PTPRN2: variants seen among roughly 807,000 people sequenced by gnomAD.
PTPRN2 encodes protein tyrosine phosphatase receptor type N2, also known as receptor-type tyrosine-protein phosphatase N2.
Under a neutral mutation model 118.8 loss-of-function variants are expected in PTPRN2, and 74 were observed. The observed-to-expected ratio is 0.62, with a 90% CI of 0.52 to 0.76. The LOEUF (loss-of-function observed/expected upper bound fraction) is 0.76, where lower values mean the gene tolerates loss of function less well. PTPRN2 is among the 30% of genes least tolerant of loss of function. The pLI, the probability that PTPRN2 is intolerant of heterozygous loss-of-function variation, is 0.00. For synonymous variants in PTPRN2, 641 were observed against 608.0 expected (o/e 1.05, Z -0.80); for missense variants, 1,481 against 1,394.4 (o/e 1.06, Z -0.99).
intron 6 of PTPRN2, among the ~76,000 whole-genome samples, chr7:158,150,783 C>A (rs564833993): frequency 6.6e-6 from 1 of 151,912 alleles, no homozygotes; most frequent in Non-Finnish European, 1.5e-5. Flanking sequence ...AGCACCGCGA[C>A]CCAGCACTCC....
chr7:157,778,604 T>C (rs1803483849), intron 12 of PTPRN2, among the ~76,000 whole-genome samples: 1 of 151,858 alleles, frequency 6.6e-6, no homozygotes, highest in Admixed American at 6.6e-5. Context: ...AACATGTACA[T>C]GTGAATACAG....
chr7:157,733,252 C>T (rs865920958), intron 12 of PTPRN2, among the ~76,000 whole-genome samples: 6 of 21,034 alleles, frequency 2.9e-4, no homozygotes, highest in Admixed American at 8.0e-4. Context: ...TTCCGTCCCA[C>T]GCGCCCAGCA....
chr7:157,899,161 G>A (rs1036013535), intron 11 of PTPRN2, among the ~76,000 whole-genome samples: 1 of 152,234 alleles, frequency 6.6e-6, no homozygotes, highest in Admixed American at 6.5e-5. Context: ...AGAAGGCAAA[G>A]CTGAATGTGT....
intron 3 of PTPRN2, among the ~76,000 whole-genome samples, chr7:158,249,879 AGT>A (rs370894459): frequency 4.9e-4 from 75 of 152,238 alleles, no homozygotes; most frequent in African/African-American, 1.8e-3. Context: ...TCCCTCCCCC[AGT>A]GTGTGTGCAC....
intron 3 of PTPRN2, among the ~76,000 whole-genome samples, chr7:158,301,966 T>C (rs528372505): frequency 1.3e-5 from 2 of 152,272 alleles, no homozygotes; most frequent in South Asian, 4.2e-4. Flanking sequence ...AGCAATCCCC[T>C]GTCCCATGAG....
At chr7:158,256,830 A>C (rs1208216106) in intron 3 of PTPRN2, among the ~76,000 whole-genome samples, 2 of 152,206 alleles carry the variant, frequency 1.3e-5, no homozygotes, top group Admixed American at 1.3e-4. Context: ...TTTCCCAAAA[A>C]ATATAGTCTC....
At chr7:157,989,372 T>C (rs1218523623) in intron 11 of PTPRN2, among the ~76,000 whole-genome samples, 2 of 151,912 alleles carry the variant, frequency 1.3e-5, no homozygotes, top group East Asian at 3.9e-4. Flanking sequence ...TGAGCCGAGA[T>C]TGCACTACTG....
At chr7:157,668,679 G>A (rs1178424227) in intron 13 of PTPRN2, among the ~76,000 whole-genome samples, 4 of 152,174 alleles carry the variant, frequency 2.6e-5, no homozygotes, top group African/African-American at 4.8e-5. Context: ...CAGAAGCCGC[G>A]GGGCCCGGTG....
chr7:158,041,936 T>G (rs1307015669), intron 11 of PTPRN2, among the ~76,000 whole-genome samples: 1 of 152,196 alleles, frequency 6.6e-6, no homozygotes, highest in Non-Finnish European at 1.5e-5. Context: ...TTACTATCCT[T>G]GTATCTTGCA....
intron 2 of PTPRN2, among the ~76,000 whole-genome samples, chr7:158,440,899 G>A (rs1816992041): frequency 1.3e-5 from 2 of 148,826 alleles, no homozygotes; most frequent in East Asian, 2.0e-4. Context: ...GGTGGTGGTG[G>A]TGACGGTGAT....
intron 12 of PTPRN2, among the ~76,000 whole-genome samples, chr7:157,837,672 C>T (rs1808068706): frequency 6.6e-6 from 1 of 152,188 alleles, no homozygotes; most frequent in African/African-American, 2.4e-5. Flanking sequence ...CCAGCCCCCG[C>T]AGGGCAGGGC....
At chr7:157,567,924 C>A (rs529217334) in intron 21 of PTPRN2, among the ~76,000 whole-genome samples, 1 of 152,282 alleles carries the variant, frequency 6.6e-6, no homozygotes, top group South Asian at 2.1e-4. Context: ...TCTCCATGCA[C>A]ACCTGCCCTG....
intron 1 of PTPRN2, among the ~76,000 whole-genome samples, chr7:158,527,539 G>T (rs529771467): frequency 6.6e-6 from 1 of 151,860 alleles, no homozygotes; most frequent in East Asian, 1.9e-4. Flanking sequence ...AGAATACCGT[G>T]GAGTTGGGAT....
At chr7:157,634,246 G>T (rs1804156494) in intron 14 of PTPRN2, among the ~76,000 whole-genome samples, 1 of 152,158 alleles carries the variant, frequency 6.6e-6, no homozygotes, top group Admixed American at 6.5e-5. Flanking sequence ...GATCTGAGAA[G>T]CAAGGTCATA....
intron 12 of PTPRN2, among the ~76,000 whole-genome samples, chr7:157,849,946 G>C (rs576708516): frequency 1.3e-5 from 2 of 152,326 alleles, no homozygotes; most frequent in African/African-American, 4.8e-5. Flanking sequence ...TCCTGGGGAC[G>C]ACATGAGATA....
chr7:158,390,910 G>A (rs963308887), intron 2 of PTPRN2, among the ~76,000 whole-genome samples: 22 of 152,146 alleles, frequency 1.4e-4, no homozygotes, highest in East Asian at 1.9e-4. Flanking sequence ...CACGGGTGCC[G>A]CGTCACATGC....
rs529474814 is a variant in PTPRN2 at position 157,962,717 on chromosome 7, G to A, written c.1724-63980C>T. Among the ~76,000 whole-genome samples, 6 of 152,276 alleles carry A rather than the reference G, an allele frequency of 3.9e-5. No individual in the cohort carries two copies. The South Asian group carries it at 6.2e-4, about 16-fold the overall frequency. The stretch of plus-strand genomic sequence containing the variant: ...TCAGTGACAAGCATAGGAAGGGTTC[G>A]TGACACCTGTTCCTATTACAGACAT... On this transcript the variant is annotated intron_variant, in intron 11 of 22. Coordinates refer to ENST00000389418, the MANE Select transcript of PTPRN2 (RefSeq NM_002847.5).
At chr7:157,558,882 G>T (rs1799036154) in intron 21 of PTPRN2, among the ~76,000 whole-genome samples, 1 of 152,226 alleles carries the variant, frequency 6.6e-6, no homozygotes, top group African/African-American at 2.4e-5. Flanking sequence ...CATTGACTCA[G>T]TTCCGTGGCT....
chr7:158,156,293 T>C (rs1821811712), intron 6 of PTPRN2, among the ~76,000 whole-genome samples: 1 of 152,180 alleles, frequency 6.6e-6, no homozygotes, highest in Admixed American at 6.5e-5. Context: ...ATGACATGAC[T>C]TCAGTGGGGT....
Sources: gnomAD v4.1 joint callset for allele counts (sites outside exome capture counted in the v4.1 genomes callset) on GRCh38, gnomAD v4.1.1 for gene constraint, MANE v1.5 for transcripts, NCBI Gene and HGNC (gene_info 2026-07-23, HGNC 2026-07-21) for gene names.